IL1RAPL1: variants seen among roughly 807,000 people sequenced by gnomAD.
The protein encoded by IL1RAPL1 is interleukin-1 receptor accessory protein-like 1.
IL1RAPL1 carries 3 observed loss-of-function variants against 48.4 expected under a neutral mutation model. The observed-to-expected ratio is 0.06, with a 90% confidence interval of 0.03 to 0.16. The LOEUF (loss-of-function observed/expected upper bound fraction) is 0.16. IL1RAPL1 is among the 10% of genes least tolerant of loss of function. The pLI is 1.00. For missense variants in IL1RAPL1, 349 were observed against 530.6 expected (o/e 0.66, Z 3.36); for synonymous variants, 185 against 187.7 (o/e 0.99, Z 0.12).
chrX:29,843,694 A>G (rs932992742), intron 6 of IL1RAPL1, among the ~76,000 whole-genome samples: 1 of 109,933 alleles, frequency 9.1e-6, no homozygotes, highest in Non-Finnish European at 1.9e-5. Flanking sequence ...TTGACACATG[A>G]CTGTTTACTC....
At chrX:29,748,267 A>G (rs1207894683) in intron 6 of IL1RAPL1, among the ~76,000 whole-genome samples, 1 of 112,192 alleles carries the variant, frequency 8.9e-6, no homozygotes, top group Non-Finnish European at 1.9e-5. Context: ...AGCACATTTG[A>G]TCATCAAACA....
chrX:29,253,915 G>T (rs993752233), intron 2 of IL1RAPL1, among the ~76,000 whole-genome samples: 1 of 111,500 alleles, frequency 9.0e-6, no homozygotes, highest in African/African-American at 3.2e-5. Context: ...TAGGTGAGTA[G>T]CCCCAATTGA....
At chrX:29,837,224 C>G (rs1358452759) in intron 6 of IL1RAPL1, among the ~76,000 whole-genome samples, 1 of 93,811 alleles carries the variant, frequency 1.1e-5, no homozygotes, top group African/African-American at 4.0e-5. Context: ...GTTCGCGCCA[C>G]TGCACTCCAG....
At chrX:29,940,575 TAAC>T (rs1933110694) in intron 8 of IL1RAPL1, among the ~76,000 whole-genome samples, 1 of 112,350 alleles carries the variant, frequency 8.9e-6, no homozygotes, top group South Asian at 3.7e-4. Context: ...TACCCATCAG[TAAC>T]AACATTTGGG....
chrX:29,276,138 G>T (rs1932115364), intron 2 of IL1RAPL1, among the ~76,000 whole-genome samples: 2 of 111,823 alleles, frequency 1.8e-5, no homozygotes, highest in Admixed American at 1.9e-4. Context: ...AATTTTATCA[G>T]TGTTTGTTTG....
chrX:28,682,807 A>G lies in IL1RAPL1; in HGVS notation c.-25+94760A>G, dbSNP rs112378797. Among the ~76,000 whole-genome samples, 743 of 112,383 alleles carry G rather than the reference A, an allele frequency of 6.6e-3. 13 individuals carry two copies. Among genetic ancestry groups the G allele is most frequent in the African/African-American group, 0.022 (693 of 30,997 alleles). On this transcript the variant is annotated intron_variant, in intron 1 of 10. Transcript: ENST00000378993. ...AAATCTAAAATCTTAATCCTCTAGTACGTTTCTTCCTGGAATTTGAGACTC... is the reference window on the plus strand; with the variant it reads ...AAATCTAAAATCTTAATCCTCTAGTGCGTTTCTTCCTGGAATTTGAGACTC...
intron 3 of IL1RAPL1, among the ~76,000 whole-genome samples, chrX:29,283,677 A>G (rs1932236766): frequency 1.8e-5 from 2 of 112,119 alleles, no homozygotes; most frequent in African/African-American, 6.5e-5. Flanking sequence ...GGAAGAGAGA[A>G]TTACCATGTT....
At chrX:29,337,131 A>T (rs760016758) in intron 3 of IL1RAPL1, among the ~76,000 whole-genome samples, 3 of 111,985 alleles carry the variant, frequency 2.7e-5, no homozygotes, top group African/African-American at 3.2e-5. Flanking sequence ...CATGGCAAAC[A>T]TGCCCTTTTA....
intron 5 of IL1RAPL1, among the ~76,000 whole-genome samples, chrX:29,481,961 A>G (rs1935046318): frequency 8.9e-6 from 1 of 112,109 alleles, no homozygotes; most frequent in Non-Finnish European, 1.9e-5. Flanking sequence ...GAGGAAAAGG[A>G]AAACATTTAT....
chrX:29,311,618 A>G lies in IL1RAPL1; in HGVS notation c.362+28401A>G, dbSNP rs370068873. ...GCAACTGAATAACAATTTTTTTCAT[A>G]GAAATTAATGTAAATAGCCATATGT... On this transcript the variant is annotated intron_variant, in intron 3 of 10. Coordinates refer to ENST00000378993, the MANE Select transcript of IL1RAPL1 (RefSeq NM_014271.4). 7.1e-5 allele frequency among the ~76,000 whole-genome samples: 8 copies of G among 112,407 alleles called. No homozygotes were observed. In the East Asian group the frequency reaches 1.4e-3, roughly 19 times the overall value.
chrX:29,253,353 A>G (rs1384878792), intron 2 of IL1RAPL1, among the ~76,000 whole-genome samples: 3 of 111,369 alleles, frequency 2.7e-5, no homozygotes, highest in Non-Finnish European at 3.8e-5. Context: ...TAAAATAAAC[A>G]TGCTGAGTAG....
chrX:29,358,818 A>T (rs1032849422), intron 3 of IL1RAPL1, among the ~76,000 whole-genome samples: 2 of 110,673 alleles, frequency 1.8e-5, no homozygotes, highest in African/African-American at 6.6e-5. Context: ...CAGGAGTTCG[A>T]GACCAGCCTG....
rs765552253 is a variant in IL1RAPL1, at chrX:28,906,286, A to G, written c.82+116861A>G. ...TTCAAGATGAGATTTGGGTGGGGAC[A>G]TAGCCAAACCATATCAGCAAGGGAA... On this transcript the variant is annotated intron_variant, in intron 2 of 10. Transcript: ENST00000378993. Among the ~76,000 whole-genome samples, 3 of 112,698 alleles carry G rather than the reference A, an allele frequency of 2.7e-5. No homozygotes were observed. The South Asian group carries it at 1.1e-3, about 41-fold the overall frequency.
At chrX:29,461,812 A>G (rs2147734209) in intron 5 of IL1RAPL1, among the ~76,000 whole-genome samples, 1 of 112,254 alleles carries the variant, frequency 8.9e-6, no homozygotes, top group South Asian at 3.7e-4. Flanking sequence ...TAGAAAGGAT[A>G]AAACTATAGA....
intron 2 of IL1RAPL1, among the ~76,000 whole-genome samples, chrX:29,064,782 T>C (rs1927418517): frequency 9.0e-6 from 1 of 111,543 alleles, no homozygotes; most frequent in African/African-American, 3.3e-5. Flanking sequence ...GGGGTTTCAT[T>C]GTGTTAGCCA....
chrX:29,151,218 C>T (rs1171967250), intron 2 of IL1RAPL1, among the ~76,000 whole-genome samples: 2 of 112,176 alleles, frequency 1.8e-5, no homozygotes, highest in Non-Finnish European at 3.8e-5. Flanking sequence ...TTGCTGTTTC[C>T]ATGGATGGTT....
intron 2 of IL1RAPL1, among the ~76,000 whole-genome samples, chrX:29,230,099 G>A (rs1931162888): frequency 8.9e-6 from 1 of 111,734 alleles, no homozygotes; most frequent in African/African-American, 3.3e-5. Flanking sequence ...GTCTGCATGA[G>A]ATTGATTTGT....
intron 3 of IL1RAPL1, among the ~76,000 whole-genome samples, chrX:29,361,572 CAACTTT>C (rs1162901422): frequency 9.1e-6 from 1 of 109,956 alleles, no homozygotes; most frequent in Non-Finnish European, 1.9e-5. Flanking sequence ...CACACACACA[CAACTTT>C]AACTTTCTGC....
At chrX:28,769,244 TG>T in intron 1 of IL1RAPL1, among the ~76,000 whole-genome samples, 1 of 110,678 alleles carries the variant, frequency 9.0e-6, no homozygotes, top group Middle Eastern at 4.7e-3. Flanking sequence ...CAGCTATACA[TG>T]GGAAAAACAA....
Sources: gnomAD v4.1 joint callset for allele counts (sites outside exome capture counted in the v4.1 genomes callset) on GRCh38, gnomAD v4.1.1 for gene constraint, MANE v1.5 for transcripts, NCBI Gene and HGNC (gene_info 2026-07-23, HGNC 2026-07-21) for gene names.